CLIC5: variants seen among roughly 807,000 people sequenced by gnomAD.
CLIC5 encodes CLIC family member 5.
A neutral mutation model predicts 24.7 loss-of-function variants in CLIC5; 20 were observed. That is an observed-to-expected ratio of 0.81 (90% CI 0.57 to 1.18). The LOEUF is 1.18. Among genes scored for constraint, CLIC5 ranks in the 50% most tolerant of loss-of-function variants. The pLI is 0.00. For synonymous variants in CLIC5, 159 were observed against 135.6 expected (o/e 1.17, Z -1.20); for missense variants, 341 against 326.1 (o/e 1.05, Z -0.35).
intron 1 of CLIC5, among the ~76,000 whole-genome samples, chr6:46,029,068 T>A (rs908501742): frequency 3.9e-5 from 6 of 152,168 alleles, no homozygotes; most frequent in African/African-American, 1.4e-4. Context: ...TCCTACAGAA[T>A]GAACCTTTTT....
chr6:45,950,272 A>G (rs1044987199), intron 2 of CLIC5, among the ~76,000 whole-genome samples: 1 of 152,034 alleles, frequency 6.6e-6, no homozygotes, highest in African/African-American at 2.4e-5. Context: ...TAAAGCATGC[A>G]TTTTTGATTC....
intron 4 of CLIC5, among the ~76,000 whole-genome samples, chr6:45,920,890 G>T (rs1763231713): frequency 1.3e-5 from 2 of 152,252 alleles, no homozygotes; most frequent in South Asian, 4.1e-4. Flanking sequence ...ATTCTAAGGG[G>T]ATTTTGAGGA....
At chr6:45,909,089 T>C (rs946436888) in intron 5 of CLIC5, among the ~76,000 whole-genome samples, 27 of 151,912 alleles carry the variant, frequency 1.8e-4, no homozygotes, top group African/African-American at 6.5e-4. Context: ...TTACCTGATA[T>C]GAGAATAGTG....
chr6:45,984,422 C>A (rs1581825590), intron 1 of CLIC5, among the ~76,000 whole-genome samples: 2 of 152,282 alleles, frequency 1.3e-5, no homozygotes, highest in East Asian at 3.9e-4. Flanking sequence ...TTGACTTCTA[C>A]CCGGCTGTGT....
At chr6:45,975,348 T>A (rs1046420476) in intron 1 of CLIC5, among the ~76,000 whole-genome samples, 1 of 152,182 alleles carries the variant, frequency 6.6e-6, no homozygotes, top group Non-Finnish European at 1.5e-5. Flanking sequence ...AAATAGAAAG[T>A]AACTTAGGTG....
At chr6:45,882,245 C>G (rs1474457428) in intron 6 of CLIC5, among the ~76,000 whole-genome samples, 3 of 152,372 alleles carry the variant, frequency 2.0e-5, no homozygotes, top group East Asian at 3.8e-4. Flanking sequence ...CACATCTCCC[C>G]ACCCTTCATC....
At chr6:45,996,718 G>T (rs949275030) in intron 1 of CLIC5, among the ~76,000 whole-genome samples, 4 of 152,020 alleles carry the variant, frequency 2.6e-5, no homozygotes, top group African/African-American at 9.7e-5. Context: ...CTTCTCAAAA[G>T]AAGACATTTA....
Position 45,949,262 on chromosome 6 carries a change from G to T in CLIC5, c.293C>A (p.Pro98His), listed in dbSNP as rs35822882. 38,388 of 1,613,118 alleles carry T rather than the reference G, an allele frequency of 0.024. 589 individuals are homozygous for T. The highest frequency in any genetic ancestry group is 0.029 in the Non-Finnish European group (33,913 of 1,179,448). Residue 98 changes from proline (P) to histidine (H), a missense_variant, in exon 3 of 6, where the codon CCT (proline) becomes CAT (histidine). Pro to His is a moderately conservative substitution (Grantham distance 77). Coordinates refer to ENST00000339561, the MANE Select transcript of CLIC5 (RefSeq NM_016929.5). The stretch of plus-strand genomic sequence containing the variant: ...GAAAGAAACAGATCCTTACTTTTCA[G>T]GGGTCAAGGTCTCCTCCAGGAACTC... Reference protein sequence around the residue: ...IEEFLEETLTPEKYPKLAAKH... With the variant: ...IEEFLEETLTHEKYPKLAAKH...
chr6:45,892,579 C>A (rs1053191430), intron 6 of CLIC5, among the ~76,000 whole-genome samples: 9 of 152,152 alleles, frequency 5.9e-5, no homozygotes, highest in African/African-American at 2.2e-4. Context: ...TTTCACTGCC[C>A]CTCTTAGGGG....
chr6:45,944,743 C>G (rs1362459126), intron 3 of CLIC5, among the ~76,000 whole-genome samples: 4 of 152,074 alleles, frequency 2.6e-5, no homozygotes, highest in African/African-American at 4.8e-5. Flanking sequence ...CATGAAACAC[C>G]TACTGAGGAC....
chr6:45,906,028 T>C (rs1344876250), intron 5 of CLIC5, among the ~76,000 whole-genome samples: 1 of 152,202 alleles, frequency 6.6e-6, no homozygotes, highest in East Asian at 1.9e-4. Flanking sequence ...CGTAGGTGTG[T>C]GGCTTTATTT....
intron 1 of CLIC5, among the ~76,000 whole-genome samples, chr6:46,051,027 C>A (rs1244742924): frequency 6.6e-6 from 1 of 152,118 alleles, no homozygotes; most frequent in East Asian, 1.9e-4. Context: ...ATGGAGAATA[C>A]CAACTACAAA....
rs192620697 is a variant in CLIC5 at position 46,011,985 on chromosome 6, G to T, written c.63+3495C>A. On this transcript the variant is annotated intron_variant, in intron 1 of 5. Transcript: ENST00000339561. ...GGACTCATAATATTCAAGTCAGTGTGTTTACAGCAATTTTCAATTTACAAA... is the reference window on the plus strand; with the variant it reads ...GGACTCATAATATTCAAGTCAGTGTTTTTACAGCAATTTTCAATTTACAAA... 2.4e-4 allele frequency among the ~76,000 whole-genome samples: 37 copies of T among 152,260 alleles called. No homozygotes were observed. The East Asian group carries it at 6.6e-3, about 27-fold the overall frequency.
rs1764605813 is a variant in CLIC5 at position 45,955,244 on chromosome 6, C to A, written c.64G>T (p.Ala22Ser). 8 of 1,612,482 alleles carry A rather than the reference C, an allele frequency of 5.0e-6. No individual in the cohort carries two copies. The highest frequency in any genetic ancestry group is 6.8e-6 in the Non-Finnish European group (8 of 1,178,826). ...RDPEIELFVKAGIDGESIGNC... is the reference protein window; with the variant it reads ...RDPEIELFVKSGIDGESIGNC... ...CCGATGCTTTCTCCATCGATTCCAGCCTGGAAAGAAGAGAACCAGTGTCCT... is the reference window on the plus strand; with the variant it reads ...CCGATGCTTTCTCCATCGATTCCAGACTGGAAAGAAGAGAACCAGTGTCCT... Residue 22 changes from alanine (A) to serine (S), a missense_variant and splice_region_variant, in exon 2 of 6, where the codon GCT becomes TCT. Physicochemically the swap from Ala to Ser is moderately conservative, Grantham distance 99 (BLOSUM62 1). Coordinates refer to ENST00000339561, the MANE Select transcript of CLIC5 (RefSeq NM_016929.5).
intron 1 of CLIC5, among the ~76,000 whole-genome samples, chr6:46,048,923 G>T (rs1011203808): frequency 6.6e-6 from 1 of 152,120 alleles, no homozygotes; most frequent in African/African-American, 2.4e-5. Flanking sequence ...AATGCTAAAG[G>T]TCAGACAAAA....
chr6:46,014,017 G>A (rs1194789009), intron 1 of CLIC5, among the ~76,000 whole-genome samples: 1 of 151,920 alleles, frequency 6.6e-6, no homozygotes, highest in Non-Finnish European at 1.5e-5. Context: ...TCTGCCAAAG[G>A]ACCTGGAAAT....
the CLIC5 span, among the ~76,000 whole-genome samples, chr6:46,123,493 A>G: frequency 6.6e-6 from 1 of 152,210 alleles, no homozygotes; most frequent in Non-Finnish European, 1.5e-5. Flanking sequence ...ATGGGCAAAA[A>G]CTGGAAGCAT....
intron 4 of CLIC5, among the ~76,000 whole-genome samples, chr6:45,929,175 C>T (rs1763629720): frequency 6.6e-6 from 1 of 152,184 alleles, no homozygotes; most frequent in Non-Finnish European, 1.5e-5. Context: ...CACCAACCGC[C>T]TTCCTTACAA....
chr6:45,926,416 T>A (rs1276009829), intron 4 of CLIC5, among the ~76,000 whole-genome samples: 1 of 140,006 alleles, frequency 7.1e-6, no homozygotes. Context: ...CCCGGCTAAA[T>A]TTTTTTTTTT....
Sources: allele counts gnomAD v4.1 joint callset (sites outside exome capture counted in the v4.1 genomes callset), GRCh38; gene constraint gnomAD v4.1.1; transcripts MANE v1.5; gene names NCBI Gene and HGNC (gene_info 2026-07-23, HGNC 2026-07-21).